KIF9: variants seen among roughly 807,000 people sequenced by gnomAD.
KIF9 encodes kinesin family member 9, also known as kinesin-like protein KIF9.
KIF9 carries 68 observed loss-of-function variants against 94.8 expected under a neutral mutation model. That is an observed-to-expected ratio of 0.72 (90% CI 0.59 to 0.88). The LOEUF (loss-of-function observed/expected upper bound fraction) is 0.88, where lower values mean the gene tolerates loss of function less well. Among genes scored for constraint, KIF9 ranks in the 40% least tolerant of loss-of-function variants. The probability of loss-of-function intolerance (pLI) is 0.00; values close to 1 mark genes in which losing one functional copy is unlikely to be tolerated. For synonymous variants in KIF9, 343 were observed against 362.1 expected (o/e 0.95, Z 0.60); for missense variants, 882 against 982.5 (o/e 0.90, Z 1.37).
intron 9 of KIF9, among the ~76,000 whole-genome samples, chr3:47,262,347 C>T (rs1029606407): frequency 6.6e-6 from 1 of 151,628 alleles, no homozygotes; most frequent in African/African-American, 2.4e-5. Flanking sequence ...GGCCCAATCT[C>T]CGCTCACTAC....
intron 17 of KIF9, chr3:47,238,602 AAAC>A (rs980866936): frequency 5.3e-5 from 8 of 152,228 alleles, no homozygotes; most frequent in African/African-American, 1.7e-4. Context: ...ATCAGTGGAA[AAAC>A]AACTACTTTG....
At chr3:47,232,505 G>A (rs943906034) in intron 20 of KIF9, among the ~76,000 whole-genome samples, 8 of 151,424 alleles carry the variant, frequency 5.3e-5, no homozygotes, top group African/African-American at 1.2e-4. Context: ...GGCTGGTCTC[G>A]AACTCCCGAC....
At chr3:47,241,324 T>C (rs563771079) in intron 16 of KIF9, among the ~76,000 whole-genome samples, 7 of 148,652 alleles carry the variant, frequency 4.7e-5, no homozygotes, top group Admixed American at 4.0e-4. Context: ...ATTTCTTTCT[T>C]TTTTTTTTTT....
chr3:47,253,612 C>T (rs1032982502), intron 10 of KIF9, among the ~76,000 whole-genome samples: 2 of 152,138 alleles, frequency 1.3e-5, no homozygotes, highest in Non-Finnish European at 2.9e-5. Context: ...ACTGCACACA[C>T]ATATATCCAT....
intron 10 of KIF9, chr3:47,250,724 G>A (rs1255483465): frequency 4.5e-6 from 1 of 220,758 alleles, no homozygotes; most frequent in African/African-American, 2.3e-5. Context: ...GGAACTTCAA[G>A]CTGAGAACCC....
intron 5 of KIF9, among the ~76,000 whole-genome samples, chr3:47,270,473 T>C (rs1365606689): frequency 6.6e-6 from 1 of 151,714 alleles, no homozygotes; most frequent in Admixed American, 6.6e-5. Context: ...CAGGCTGGTC[T>C]CAAACTCCTG....
At position 47,277,463 on chromosome 3, in the gene KIF9, GAA is replaced by G. The variant is rs1234042970; in HGVS notation, c.-5-86_-5-85del. On this transcript the variant is annotated intron_variant, in intron 1 of 20. Coordinates refer to ENST00000684063, the MANE Select transcript of KIF9 (RefSeq NM_182902.4). The stretch of plus-strand genomic sequence containing the variant: ...GAGGGGTCATTCATTAAGAAGATCA[GAA>G]AAGAGTGACGAGCAGTCCATTTTTC... The G allele has an allele frequency of 9.8e-6, 9 of 921,102 alleles. No homozygotes were observed. The East Asian group carries it at 1.8e-4, about 18-fold the overall frequency. 57.1% of individuals were successfully genotyped at this position (921,102 alleles called of 1,614,324 possible). A position where few individuals can be genotyped will look rare whatever the true frequency, so the allele number is the denominator to read the frequency against.
chr3:47,282,375 G>A (rs971670739), intron 1 of KIF9, 120 bp downstream of exon 1: 2 of 986,004 alleles, frequency 2.0e-6, no homozygotes, highest in South Asian at 4.6e-5. Context: ...TTTCAGAGAT[G>A]AGCGACCCAG....
In KIF9 at chr3:47,273,480, C is replaced by T. The variant is rs577622203; in HGVS notation, c.366+72G>A. ...GGTCCCCACTGTCTCTAGTAGCTGG[C>T]CCAGGGTCAGTAACATCTATGGCAG... is the stretch of plus-strand genomic sequence containing the variant. On this transcript the variant is annotated intron_variant, in intron 4 of 20. Coordinates refer to ENST00000684063, the MANE Select transcript of KIF9 (RefSeq NM_182902.4). 4.9e-6 allele frequency: 6 copies of T among 1,219,944 alleles called. No homozygotes were observed. The African/African-American group carries it at 9.1e-5, about 18-fold the overall frequency. 75.6% of individuals were successfully genotyped at this position (1,219,944 alleles called of 1,614,324 possible).
At chr3:47,263,994 G>A in intron 9 of KIF9, 1 of 523,828 alleles carries the variant, frequency 1.9e-6, no homozygotes, top group Admixed American at 2.2e-5. Context: ...AGCACCCCAG[G>A]AAACATGGTC....
chr3:47,267,698 A>G (rs1255670358), intron 5 of KIF9, among the ~76,000 whole-genome samples: 4 of 152,208 alleles, frequency 2.6e-5, no homozygotes, highest in South Asian at 4.1e-4. Context: ...GAAATGCAAA[A>G]GCATTCATAG....
intron 7 of KIF9, among the ~76,000 whole-genome samples, chr3:47,266,438 G>A (rs1701293636): frequency 6.6e-6 from 1 of 152,166 alleles, no homozygotes; most frequent in African/African-American, 2.4e-5. Flanking sequence ...GAGCCCAGGA[G>A]TTCAAGTTCA....
intron 16 of KIF9, among the ~76,000 whole-genome samples, chr3:47,241,220 G>C (rs1699454627): frequency 6.6e-6 from 1 of 152,078 alleles, no homozygotes; most frequent in African/African-American, 2.4e-5. Context: ...ATATGCCCAT[G>C]GCAGAAAGTG....
chr3:47,247,503 G>C, intron 11 of KIF9, 26 bp from the exon 12 acceptor site: 1 of 1,554,708 alleles, frequency 6.4e-7, no homozygotes, highest in Non-Finnish European at 8.9e-7. Context: ...AGAACATGTG[G>C]ATAAGCAACA....
chr3:47,257,152 T>C (rs934863447), intron 10 of KIF9, among the ~76,000 whole-genome samples: 2 of 151,762 alleles, frequency 1.3e-5, no homozygotes, highest in Non-Finnish European at 1.5e-5. Context: ...AAAAATAAAT[T>C]AATTAATTTT....
chr3:47,241,569 G>T (rs1699488101), intron 16 of KIF9, among the ~76,000 whole-genome samples: 1 of 150,958 alleles, frequency 6.6e-6, no homozygotes, highest in Admixed American at 6.6e-5. Context: ...TAATCCACCC[G>T]CCTCAGCCTC....
intron 1 of KIF9, among the ~76,000 whole-genome samples, chr3:47,277,718 C>T (rs1008131278): frequency 2.0e-5 from 3 of 152,060 alleles, no homozygotes; most frequent in Non-Finnish European, 2.9e-5. Flanking sequence ...ATGATGAGTC[C>T]ACTTATGCTT....
rs756391327 is a variant in KIF9 at position 47,271,386 on chromosome 3, T to C, written c.442A>G (p.Ser148Gly). 4.0e-5 allele frequency: 65 copies of C among 1,613,652 alleles called. 1 individual carries two copies. The highest frequency in any genetic ancestry group is 2.3e-4 in the Admixed American group (14 of 59,960). The change falls in exon 5 of 21, where the codon AGC becomes GGC. Residue 148 changes from serine to glycine, a missense_variant. Ser to Gly is a moderately conservative substitution (Grantham distance 56). Coordinates refer to ENST00000684063, the MANE Select transcript of KIF9 (RefSeq NM_182902.4). ...RVSYLEIYNE[S>G]LFDLLSTLPY... ...AGAGTGGACAGGAGATCAAACAGGC[T>C]CTCATTATAGATTTCCAAGTAGGAA...
intron 20 of KIF9, among the ~76,000 whole-genome samples, chr3:47,232,632 C>T (rs1250715331): frequency 6.6e-6 from 1 of 151,988 alleles, no homozygotes; most frequent in Non-Finnish European, 1.5e-5. Context: ...TTTGTTGCAG[C>T]AGCCTAAATG....
Sources: allele counts gnomAD v4.1 joint callset (sites outside exome capture counted in the v4.1 genomes callset), GRCh38; gene constraint gnomAD v4.1.1; transcripts MANE v1.5; gene names NCBI Gene and HGNC (gene_info 2026-07-23, HGNC 2026-07-21).